Variants in MKRN2 observed in about 807,000 individuals in gnomAD.
MKRN2 encodes the protein makorin ring finger protein 2.
A neutral mutation model predicts 45.4 loss-of-function variants in MKRN2; 32 were observed. That is an observed-to-expected ratio of 0.70 (90% CI 0.53 to 0.95). The LOEUF (loss-of-function observed/expected upper bound fraction) is 0.95. Ranked by LOEUF, MKRN2 falls within the 40% of genes least tolerant of loss-of-function variation. MKRN2 has a pLI of 0.00. For missense variants in MKRN2, 526 were observed against 536.7 expected (o/e 0.98, Z 0.20); for synonymous variants, 206 against 192.4 (o/e 1.07, Z -0.59).
intron 6 of MKRN2, 148 bp downstream of exon 6, chr3:12,576,889 G>C (rs1317135303): frequency 2.4e-6 from 1 of 411,234 alleles, no homozygotes; most frequent in Non-Finnish European, 4.6e-6. Context: ...CTGGGATGCA[G>C]CAATGAGCAA....
At chr3:12,576,323 C>A (rs1257290267) in intron 5 of MKRN2, among the ~76,000 whole-genome samples, 1 of 151,894 alleles carries the variant, frequency 6.6e-6, no homozygotes, top group Non-Finnish European at 1.5e-5. Flanking sequence ...CTGCACCTCT[C>A]AACCCATCAC....
intron 6 of MKRN2, among the ~76,000 whole-genome samples, chr3:12,579,924 GA>G (rs936556706): frequency 2.0e-4 from 30 of 148,226 alleles, no homozygotes; most frequent in African/African-American, 6.7e-4. Context: ...TCTCTTTAAA[GA>G]AAAAAAAAAG....
In MKRN2 at chr3:12,572,222, A is replaced by G. The variant is rs2058104161; in HGVS notation, c.491A>G (p.Tyr164Cys). The change falls in exon 4 of 8, where the codon TAC becomes TGC. Residue 164 changes from tyrosine (Y) to cysteine (C), a missense_variant. Physicochemically the swap from Tyr to Cys is radical, Grantham distance 194. Transcript: ENST00000170447. ...GLDDVEASSS[Y>C]SNEQQLCPYA... ...GATGACGTGGAGGCCAGCAGCTCCT[A>G]CAGCAACGAGCAGCAGCTGTGCCCC... The G allele has an allele frequency of 6.2e-7, 1 of 1,613,920 alleles. No individual in the cohort carries two copies. Among genetic ancestry groups the G allele is most frequent in the South Asian group, 1.1e-5 (1 of 91,078 alleles).
At chr3:12,571,975 G>T (rs1423199295) in intron 3 of MKRN2, 94 bp from the exon 4 acceptor site, 1 of 1,268,818 alleles carries the variant, frequency 7.9e-7, no homozygotes. Flanking sequence ...GGAATTCTTA[G>T]GTCAGAGTAG....
intron 1 of MKRN2, among the ~76,000 whole-genome samples, chr3:12,567,642 C>T (rs968153333): frequency 6.6e-5 from 10 of 152,040 alleles, no homozygotes; most frequent in Admixed American, 3.3e-4. Context: ...GCATGCACCT[C>T]CACTCCTGAC....
At chr3:12,557,203 G>C (rs1414787555) in intron 1 of MKRN2, 27 bp downstream of exon 1, 7 of 1,532,060 alleles carry the variant, frequency 4.6e-6, no homozygotes, top group Non-Finnish European at 5.3e-6. Context: ...CAGGAGCTTC[G>C]GGCCGCTCCC....
chr3:12,570,883 C>CA (rs889392244), intron 3 of MKRN2, among the ~76,000 whole-genome samples: 1,610 of 48,110 alleles, frequency 0.033, 24 homozygotes, highest in East Asian at 0.054. Context: ...GACTCCCTCT[C>CA]AAAAAAAAAA....
chr3:12,577,928 C>T (rs907696787), intron 6 of MKRN2, among the ~76,000 whole-genome samples: 1 of 152,174 alleles, frequency 6.6e-6, no homozygotes, highest in African/African-American at 2.4e-5. Flanking sequence ...CCGCCCACCT[C>T]GGCCTCCCAA....
chr3:12,580,436 T>C (rs1220224572), intron 6 of MKRN2, among the ~76,000 whole-genome samples: 3 of 145,650 alleles, frequency 2.1e-5, no homozygotes, highest in African/African-American at 2.6e-5. Flanking sequence ...TTGTTCTCTC[T>C]CCCCCCACCC....
chr3:12,574,914 A>G lies in MKRN2; in HGVS notation c.765A>G (p.Arg255=), dbSNP rs1254151959. 19 of 1,614,098 alleles carry G rather than the reference A, an allele frequency of 1.2e-5. No homozygotes were observed. The highest frequency in any genetic ancestry group is 1.7e-5 in the Admixed American group (1 of 60,004). The part of the protein sequence containing the change: ...ILEKASASER[R]FGILSNCNHT... ...AGAAGGCCTCTGCTTCTGAGAGGAG[A>G]TTTGGGATTCTCTCCAATTGCAATC... Residue 255 remains arginine (R), a synonymous_variant, in exon 5 of 8, where the codon AGA becomes AGG. Transcript: ENST00000170447.
At chr3:12,558,571 C>T (rs897361996) in intron 1 of MKRN2, among the ~76,000 whole-genome samples, 1 of 152,182 alleles carries the variant, frequency 6.6e-6, no homozygotes, top group African/African-American at 2.4e-5. Flanking sequence ...TGAATCTCAA[C>T]TCTGTAGTAT....
At chr3:12,577,426 T>TA (rs1402169801) in intron 6 of MKRN2, among the ~76,000 whole-genome samples, 1 of 152,196 alleles carries the variant, frequency 6.6e-6, no homozygotes, top group African/African-American at 2.4e-5. Context: ...ATAGTTTTTT[T>TA]ATATTGTTCA....
At chr3:12,560,213 G>A (rs988285869) in intron 1 of MKRN2, among the ~76,000 whole-genome samples, 3 of 152,204 alleles carry the variant, frequency 2.0e-5, no homozygotes, top group African/African-American at 7.2e-5. Context: ...AGTCTATGAA[G>A]TAAGTGCAGT....
At chr3:12,576,957 T>TC (rs1553608768) in intron 6 of MKRN2, 7 of 271,262 alleles carry the variant, frequency 2.6e-5, no homozygotes, top group East Asian at 1.7e-4. Context: ...TTTTTTTTTT[T>TC]CGGTGAGATA....
rs1489331060 is a variant in MKRN2, at chr3:12,582,609, G to A, written c.*356G>A. The A allele has an allele frequency of 4.7e-6, 1 of 212,872 alleles. No homozygotes were observed. The highest frequency in any genetic ancestry group is 9.6e-6 in the Non-Finnish European group (1 of 103,750). 13.2% of individuals were successfully genotyped at this position (212,872 alleles called of 1,614,324 possible). ...CTTCCCCAGAAATAGTAAACTTGCAGCTGCCCCTAATGCAGCATATTTTTC... is the reference window on the plus strand; with the variant it reads ...CTTCCCCAGAAATAGTAAACTTGCAACTGCCCCTAATGCAGCATATTTTTC... On this transcript the variant is annotated 3_prime_UTR_variant, in exon 8 of 8. Coordinates refer to ENST00000170447, the MANE Select transcript of MKRN2 (RefSeq NM_014160.5).
At chr3:12,558,656 C>A (rs1282488734) in intron 1 of MKRN2, among the ~76,000 whole-genome samples, 1 of 152,214 alleles carries the variant, frequency 6.6e-6, no homozygotes, top group Non-Finnish European at 1.5e-5. Context: ...TTAGTAGAGG[C>A]ACAAGGACCT....
intron 6 of MKRN2, among the ~76,000 whole-genome samples, chr3:12,579,239 A>C (rs1309127870): frequency 1.3e-5 from 2 of 152,136 alleles, no homozygotes; most frequent in Non-Finnish European, 2.9e-5. Flanking sequence ...ATTTCAGCTC[A>C]CTGCAACCTC....
At chr3:12,563,121 T>C (rs1225429755) in intron 1 of MKRN2, among the ~76,000 whole-genome samples, 1 of 152,190 alleles carries the variant, frequency 6.6e-6, no homozygotes, top group Non-Finnish European at 1.5e-5. Flanking sequence ...GCAAAGGCTG[T>C]AGGATGGCAC....
rs575442456 is a variant in MKRN2, at chr3:12,562,387, G to A, written c.26+5211G>A. On this transcript the variant is annotated intron_variant, in intron 1 of 7. Coordinates refer to ENST00000170447, the MANE Select transcript of MKRN2 (RefSeq NM_014160.5). ...GAAGCAGACCTTCCTAAGGATAGCA[G>A]TCTCACATCTGCTGTGTAACTCTCT... Among the ~76,000 whole-genome samples the A allele has an allele frequency of 2.0e-5, 3 of 152,328 alleles. No individual in the cohort carries two copies. In the East Asian group the frequency reaches 5.8e-4, roughly 29 times the overall value.
Sources: gnomAD v4.1 joint callset for allele counts (sites outside exome capture counted in the v4.1 genomes callset) on GRCh38, gnomAD v4.1.1 for gene constraint, MANE v1.5 for transcripts, NCBI Gene and HGNC (gene_info 2026-07-23, HGNC 2026-07-21) for gene names.